Variants in VIPR2 observed in about 807,000 individuals in gnomAD.
The protein encoded by VIPR2 is vasoactive intestinal polypeptide receptor 2.
A neutral mutation model predicts 58.0 loss-of-function variants in VIPR2; 48 were observed. The ratio of observed to expected loss-of-function variants is 0.83; its 90% CI spans 0.66 to 1.05. The LOEUF is 1.05. Among genes scored for constraint, VIPR2 ranks in the 50% least tolerant of loss-of-function variants. The probability of loss-of-function intolerance (pLI) is 0.00; values close to 1 mark genes in which losing one functional copy is unlikely to be tolerated. For missense variants in VIPR2, 534 were observed against 558.0 expected (o/e 0.96, Z 0.43); for synonymous variants, 243 against 235.2 (o/e 1.03, Z -0.30).
chr7:159,091,360 G>A (rs554010742), intron 4 of VIPR2, among the ~76,000 whole-genome samples: 10 of 152,344 alleles, frequency 6.6e-5, no homozygotes, highest in East Asian at 3.9e-4. Flanking sequence ...GTCATGCAGC[G>A]CCTTATCCCA....
intron 5 of VIPR2, among the ~76,000 whole-genome samples, chr7:159,051,669 G>A (rs1047565870): frequency 6.6e-6 from 1 of 152,150 alleles, no homozygotes; most frequent in Non-Finnish European, 1.5e-5. Flanking sequence ...ACACAGGGAA[G>A]TAGAAAATAA....
At chr7:159,044,215 T>A (rs73169218) in intron 5 of VIPR2, among the ~76,000 whole-genome samples, 15,798 of 152,134 alleles carry the variant, frequency 0.1, 1,002 homozygotes, top group East Asian at 0.18. Context: ...GAAATCTCTA[T>A]CAAACAACTA....
intron 4 of VIPR2, among the ~76,000 whole-genome samples, chr7:159,101,629 C>T (rs1858249636): frequency 6.9e-6 from 1 of 145,380 alleles, no homozygotes; most frequent in Admixed American, 6.9e-5. Flanking sequence ...GTGAACGGGT[C>T]TCACGAGATC....
intron 4 of VIPR2, among the ~76,000 whole-genome samples, chr7:159,064,943 C>T (rs1855998263): frequency 6.6e-6 from 1 of 152,174 alleles, no homozygotes; most frequent in Admixed American, 6.5e-5. Context: ...CACGTAGACT[C>T]TGCATCGCCA....
At position 159,128,841 on chromosome 7, in the gene VIPR2, C is replaced by T. The variant is rs1018425202; in HGVS notation, c.151+13605G>A. 6.6e-6 allele frequency among the ~76,000 whole-genome samples: 1 copy of T among 152,232 alleles called. No individual in the cohort carries two copies. The highest frequency in any genetic ancestry group is 2.1e-4 in the South Asian group (1 of 4,828). On this transcript the variant is annotated intron_variant, in intron 2 of 12. Coordinates refer to ENST00000262178, the MANE Select transcript of VIPR2 (RefSeq NM_003382.5). This position sits in a 1 kb window ranked among gnomAD's most constrained non-coding sequence, Gnocchi z 4.1. ...TTGGGCACGCTAACTGCTCTTCTCCCTCAACTGCTCCCTCCTTCCCTCCCT... is the reference window on the plus strand; with the variant it reads ...TTGGGCACGCTAACTGCTCTTCTCCTTCAACTGCTCCCTCCTTCCCTCCCT...
chr7:159,098,052 C>G lies in VIPR2; in HGVS notation c.357+5705G>C, dbSNP rs1165236983. Among the ~76,000 whole-genome samples the G allele has an allele frequency of 6.6e-6, 1 of 152,226 alleles. No individual in the cohort carries two copies. Among genetic ancestry groups the G allele is most frequent in the Non-Finnish European group, 1.5e-5 (1 of 68,040 alleles). On this transcript the variant is annotated intron_variant, in intron 4 of 12. Coordinates refer to ENST00000262178, the MANE Select transcript of VIPR2 (RefSeq NM_003382.5). The surrounding 1 kb of genome is among the most constrained non-coding windows in gnomAD (Gnocchi z 5.2). ...CTCCGTGGCCTCTTGGAAGCCTGAG[C>G]CCTGCCGGGGCAAGCGGAATCCCCA...
At chr7:159,119,435 G>A (rs1382943438) in intron 2 of VIPR2, among the ~76,000 whole-genome samples, 1 of 152,170 alleles carries the variant, frequency 6.6e-6, no homozygotes, top group African/African-American at 2.4e-5. Flanking sequence ...CTCCAGACTC[G>A]GACTCATGCT....
chr7:159,112,605 G>A (rs992170161), intron 2 of VIPR2, among the ~76,000 whole-genome samples: 1 of 151,380 alleles, frequency 6.6e-6, no homozygotes, highest in Non-Finnish European at 1.5e-5. Context: ...CGGTACCCCC[G>A]GCACCGGCAA....
chr7:159,091,439 G>C (rs1252497199), intron 4 of VIPR2, among the ~76,000 whole-genome samples: 2 of 152,174 alleles, frequency 1.3e-5, no homozygotes, highest in East Asian at 1.9e-4. Context: ...CTCTGTGAAC[G>C]CTCAATAATT....
rs374813944 is a variant in VIPR2, at chr7:159,030,656, C to T, written c.1277G>A (p.Arg426His). The change falls in exon 13 of 13, where the codon CGC becomes CAC. Residue 426 changes from arginine to histidine, a missense_variant. Physicochemically the swap from Arg to His is conservative, Grantham distance 29 (BLOSUM62 0). This residue lies in a region of VIPR2 where 306 missense variants were observed against 285.8 expected (regional missense o/e 1.07). Transcript: ENST00000262178. ...EGALQFHRGS[R>H]AQSFLQTETS... ...CTCCGTTTGCAGGAAGGACTGGGCG[C>T]GGGAGCCGCGGTGGAACTGCAGGGC... 1.3e-6 allele frequency: 2 copies of T among 1,558,826 alleles called. No homozygotes were observed. The highest frequency in any genetic ancestry group is 1.7e-6 in the Non-Finnish European group (2 of 1,152,910).
At chr7:159,050,346 CAAAAAAA>C (rs1854914077) in intron 5 of VIPR2, among the ~76,000 whole-genome samples, 1 of 41,712 alleles carries the variant, frequency 2.4e-5, no homozygotes, top group Admixed American at 3.3e-4. Context: ...CAAAAAAACA[CAAAAAAA>C]CAAAAAAAAA....
At chr7:159,082,413 A>G (rs1420407898) in intron 4 of VIPR2, among the ~76,000 whole-genome samples, 1 of 152,196 alleles carries the variant, frequency 6.6e-6, no homozygotes, top group African/African-American at 2.4e-5. Flanking sequence ...GGAATTGAAC[A>G]ATGAGAACAC....
chr7:159,059,500 T>A (rs766872588), intron 4 of VIPR2: 3 of 368,124 alleles, frequency 8.1e-6, no homozygotes, highest in Admixed American at 3.5e-5. Context: ...CAGAAAGTTA[T>A]GCTCTTGTTT....
chr7:159,046,331 G>T (rs1854647889), intron 5 of VIPR2, among the ~76,000 whole-genome samples: 1 of 152,200 alleles, frequency 6.6e-6, no homozygotes, highest in African/African-American at 2.4e-5. Flanking sequence ...ATGAGCAGAT[G>T]AACGGATAAA....
At chr7:159,121,969 C>G (rs187316623) in intron 2 of VIPR2, among the ~76,000 whole-genome samples, 1 of 152,164 alleles carries the variant, frequency 6.6e-6, no homozygotes, top group African/African-American at 2.4e-5. Flanking sequence ...CTGATTGGTA[C>G]GAATCATTGA....
At chr7:159,087,920 T>A (rs1355229379) in intron 4 of VIPR2, among the ~76,000 whole-genome samples, 2 of 152,022 alleles carry the variant, frequency 1.3e-5, no homozygotes, top group Non-Finnish European at 2.9e-5. Context: ...ACACACAGGA[T>A]CCTGATAGTG....
At chr7:159,122,018 G>C (rs1796471475) in intron 2 of VIPR2, among the ~76,000 whole-genome samples, 2 of 152,212 alleles carry the variant, frequency 1.3e-5, no homozygotes, top group Admixed American at 1.3e-4. Context: ...TGTTGAACCA[G>C]AGCTTACACC....
chr7:159,110,950 A>G (rs1305897635), intron 2 of VIPR2, among the ~76,000 whole-genome samples: 1 of 152,258 alleles, frequency 6.6e-6, no homozygotes, highest in Non-Finnish European at 1.5e-5. Context: ...ATAAAATTAC[A>G]TACCAATACT....
At chr7:159,074,688 A>C (rs760980248) in intron 4 of VIPR2, among the ~76,000 whole-genome samples, 1 of 152,250 alleles carries the variant, frequency 6.6e-6, no homozygotes, top group Non-Finnish European at 1.5e-5. Context: ...CTAGAAATCT[A>C]TAACAACTTG....
Sources: gnomAD v4.1 joint callset for allele counts (sites outside exome capture counted in the v4.1 genomes callset) on GRCh38, gnomAD v4.1.1 for gene constraint, gnomAD v4.1.1 regional missense constraint, Gnocchi (gnomAD v3.1) non-coding constraint, MANE v1.5 for transcripts, NCBI Gene and HGNC (gene_info 2026-07-23, HGNC 2026-07-21) for gene names.